Variants in SMPD3 observed in about 807,000 individuals in gnomAD.
SMPD3 encodes the protein sphingomyelin phosphodiesterase 3.
In SMPD3, 21 loss-of-function variants were observed where a neutral mutation model predicts 55.7. That is an observed-to-expected ratio of 0.38 (90% confidence interval 0.27 to 0.54). The LOEUF is 0.54. SMPD3 is among the 20% of genes least tolerant of loss of function. SMPD3 has a pLI of 0.80. For synonymous variants in SMPD3, 457 were observed against 404.3 expected, an observed-to-expected ratio of 1.13 and a Z score of -1.56; for missense variants, 842 against 899.6, an observed-to-expected ratio of 0.94 and a Z score of 0.82.
At chr16:68,427,759 G>GC (rs905105852) in intron 1 of SMPD3, among the ~76,000 whole-genome samples, 2 of 151,106 alleles carry the variant, frequency 1.3e-5, no homozygotes, top group Non-Finnish European at 2.9e-5. Flanking sequence ...GACTGGGGGG[G>GC]GGTGCTGATG....
At chr16:68,399,783 A>G (rs1372929334) in intron 1 of SMPD3, among the ~76,000 whole-genome samples, 2 of 152,218 alleles carry the variant, frequency 1.3e-5, no homozygotes, top group South Asian at 2.1e-4. Flanking sequence ...GTGGCCAGGT[A>G]TGGACTTTGC....
At chr16:68,443,658 G>C (rs1220467605) in intron 1 of SMPD3, among the ~76,000 whole-genome samples, 2 of 152,200 alleles carry the variant, frequency 1.3e-5, no homozygotes, top group African/African-American at 4.8e-5. Context: ...TGGTAACCAA[G>C]TTCAGTTAAC....
intron 3 of SMPD3, chr16:68,369,691 G>T (rs1190392753): frequency 6.6e-6 from 1 of 152,278 alleles, no homozygotes; most frequent in African/African-American, 2.4e-5. Flanking sequence ...AGCATCCCTT[G>T]CTGTGAATGA....
At chr16:68,379,383 G>A (rs575319280) in intron 2 of SMPD3, among the ~76,000 whole-genome samples, 5 of 152,344 alleles carry the variant, frequency 3.3e-5, no homozygotes, top group East Asian at 3.9e-4. Flanking sequence ...GGTAATAACC[G>A]TCTCTCAGGG....
chr16:68,409,973 T>C (rs1180789167), intron 1 of SMPD3, among the ~76,000 whole-genome samples: 2 of 152,090 alleles, frequency 1.3e-5, no homozygotes, highest in East Asian at 3.9e-4. Flanking sequence ...TGACAAGAGG[T>C]TTCACACCTC....
intron 1 of SMPD3, among the ~76,000 whole-genome samples, chr16:68,402,296 C>T (rs576206903): frequency 5.9e-5 from 9 of 152,210 alleles, no homozygotes; most frequent in Admixed American, 2.6e-4. Flanking sequence ...GACATACTGC[C>T]CTAGGAAGGG....
rs1483987835 is a variant in SMPD3, at chr16:68,447,394, G to C, written c.-269+959C>G. On this transcript the variant is annotated intron_variant, in intron 1 of 8. Transcript: ENST00000219334. This position sits in a 1 kb window ranked among gnomAD's most constrained non-coding sequence, Gnocchi z 5.1. ...CCATCTGGGATTGGCCCCCAGCTGC[G>C]GTGCCAGAGGCTCGGTCCCCGGGGC... 6.6e-6 allele frequency among the ~76,000 whole-genome samples: 1 copy of C among 152,192 alleles called. No individual in the cohort carries two copies. Among genetic ancestry groups the C allele is most frequent in the Non-Finnish European group, 1.5e-5 (1 of 68,026 alleles).
At chr16:68,438,363 G>A (rs1214840873) in intron 1 of SMPD3, among the ~76,000 whole-genome samples, 1 of 152,190 alleles carries the variant, frequency 6.6e-6, no homozygotes, top group Non-Finnish European at 1.5e-5. Context: ...AAACCAAATA[G>A]TACTGGTAGG....
In SMPD3 at chr16:68,404,523, C is replaced by A. The variant is rs984268936; in HGVS notation, c.-268-17864G>T. Among the ~76,000 whole-genome samples the A allele has an allele frequency of 6.6e-6, 1 of 152,092 alleles. No homozygotes were observed. The highest frequency in any genetic ancestry group is 1.5e-5 in the Non-Finnish European group (1 of 68,030). The stretch of plus-strand genomic sequence containing the variant: ...TGTTTTATCCTGGAATCTCCATGGG[C>A]CTCAGCTTAGCAATTGTGAGGGTGG... On this transcript the variant is annotated intron_variant, in intron 1 of 8. Transcript: ENST00000219334. This position sits in a 1 kb window ranked among gnomAD's most constrained non-coding sequence, Gnocchi z 4.0.
chr16:68,409,692 C>G (rs1031397421), intron 1 of SMPD3, among the ~76,000 whole-genome samples: 13 of 152,258 alleles, frequency 8.5e-5, no homozygotes, highest in African/African-American at 3.1e-4. Context: ...CTCCTGGGTT[C>G]ACGCCATTCT....
intron 2 of SMPD3, among the ~76,000 whole-genome samples, chr16:68,374,002 T>G (rs1309854532): frequency 6.6e-6 from 1 of 152,206 alleles, no homozygotes; most frequent in Non-Finnish European, 1.5e-5. Flanking sequence ...TCTCCACCGG[T>G]GGCTCTCATC....
rs1182336446 is a variant in SMPD3, at chr16:68,363,808, C to T, written c.1614G>A (p.Leu538=). 3 of 1,571,014 alleles carry T rather than the reference C, an allele frequency of 1.9e-6. No homozygotes were observed. The highest frequency in any genetic ancestry group is 2.6e-6 in the Non-Finnish European group (3 of 1,157,960). Reference sequence around the variant, plus strand: ...CCCACGGCTTCTCCTCACCAGGCCCCAGGCGGCAGGGGTCCCTGTAGTGGG... The same window carrying T: ...CCCACGGCTTCTCCTCACCAGGCCCTAGGCGGCAGGGGTCCCTGTAGTGGG... The part of the protein sequence containing the change: ...LFTHYRDPCR[L]GPGEEKPWAI... Residue 538 remains leucine (L), a synonymous_variant, in exon 6 of 9, where the codon CTG becomes CTA. Transcript: ENST00000219334.
At chr16:68,395,699 A>G (rs1397533685) in intron 1 of SMPD3, among the ~76,000 whole-genome samples, 1 of 152,244 alleles carries the variant, frequency 6.6e-6, no homozygotes, top group South Asian at 2.1e-4. Flanking sequence ...CCCGGTGCCT[A>G]AACTGTCTTA....
intron 1 of SMPD3, among the ~76,000 whole-genome samples, chr16:68,411,065 A>G (rs1392315660): frequency 2.6e-5 from 4 of 152,274 alleles, no homozygotes; most frequent in African/African-American, 9.6e-5. Context: ...TTAAGGAGCC[A>G]GCAGGAAGAG....
intron 2 of SMPD3, among the ~76,000 whole-genome samples, chr16:68,380,699 C>A (rs1356612306): frequency 6.6e-6 from 1 of 152,232 alleles, no homozygotes; most frequent in Non-Finnish European, 1.5e-5. Context: ...TCCCTACTTC[C>A]CTGACATGAA....
At chr16:68,419,167 T>C (rs2090365159) in intron 1 of SMPD3, among the ~76,000 whole-genome samples, 1 of 152,118 alleles carries the variant, frequency 6.6e-6, no homozygotes, top group Admixed American at 6.5e-5. Flanking sequence ...TGCTGGACCA[T>C]ACCCTCTAAG....
chr16:68,364,708 T>TC (rs1160443846), intron 5 of SMPD3, 43 bp downstream of exon 5: 2 of 1,579,434 alleles, frequency 1.3e-6, no homozygotes, highest in African/African-American at 2.7e-5. Context: ...GCCCACAGCC[T>TC]CCCCAGAGCT....
intron 1 of SMPD3, among the ~76,000 whole-genome samples, chr16:68,413,371 G>T (rs2090316607): frequency 6.6e-6 from 1 of 152,234 alleles, no homozygotes; most frequent in South Asian, 2.1e-4. Context: ...CTGCAAGATA[G>T]CTGGTCTATC....
At position 68,358,710 on chromosome 16, in the gene SMPD3, T is replaced by C. The variant is rs1424841132; in HGVS notation, c.*2496A>G. The C allele has an allele frequency of 6.6e-6, 1 of 152,582 alleles. No individual in the cohort carries two copies. Among genetic ancestry groups the C allele is most frequent in the Non-Finnish European group, 1.5e-5 (1 of 68,054 alleles). The allele number at this position is 152,582 out of a possible 1,614,324, so 9.5% of individuals were successfully genotyped here. A position where few individuals can be genotyped will look rare whatever the true frequency, so the allele number is the denominator to read the frequency against. On this transcript the variant is annotated 3_prime_UTR_variant, in exon 9 of 9. Coordinates refer to ENST00000219334, the MANE Select transcript of SMPD3 (RefSeq NM_018667.4). Reference sequence around the variant, plus strand: ...CTTCCTCAGTGGCCCCCGCGCCTTGTGGCTTCCTTTGAGACTGGGCCTAGG... The same window carrying C: ...CTTCCTCAGTGGCCCCCGCGCCTTGCGGCTTCCTTTGAGACTGGGCCTAGG...
Sources: gnomAD v4.1 joint callset for allele counts (sites outside exome capture counted in the v4.1 genomes callset) on GRCh38, gnomAD v4.1.1 for gene constraint, Gnocchi (gnomAD v3.1) non-coding constraint, MANE v1.5 for transcripts, NCBI Gene and HGNC (gene_info 2026-07-23, HGNC 2026-07-21) for gene names.